Variants in IGFBP7 observed in about 807,000 individuals in gnomAD.
IGFBP7 encodes the protein insulin-like growth factor-binding protein 7.
IGFBP7 carries 31 observed loss-of-function variants against 29.4 expected under a neutral mutation model. The observed-to-expected ratio is 1.05, with a 90% CI of 0.79 to 1.42. The LOEUF is 1.42. IGFBP7 is among the 40% of genes most tolerant of loss of function. The probability of loss-of-function intolerance (pLI) is 0.00; values close to 1 mark genes in which losing one functional copy is unlikely to be tolerated. For missense variants in IGFBP7, 393 were observed against 395.5 expected, an observed-to-expected ratio of 0.99 and a Z score of 0.05; for synonymous variants, 172 against 174.9, an observed-to-expected ratio of 0.98 and a Z score of 0.13.
In IGFBP7 at chr4:57,030,974, A is replaced by G. The variant is rs1723901462; in HGVS notation, c.*343T>C. On this transcript the variant is annotated 3_prime_UTR_variant, in exon 5 of 5. Transcript: ENST00000295666. The stretch of plus-strand genomic sequence containing the variant: ...TATGTCTATGAGTATTGCACCGCGA[A>G]TGATGAGTGTTTAGCTATTTTACAG... The G allele has an allele frequency of 6.3e-7, 1 of 1,586,314 alleles. No homozygotes were observed. Among genetic ancestry groups the G allele is most frequent in the African/African-American group, 1.3e-5 (1 of 74,550 alleles).
At chr4:57,035,653 G>A (rs1724067947) in intron 2 of IGFBP7, among the ~76,000 whole-genome samples, 1 of 152,126 alleles carries the variant, frequency 6.6e-6, no homozygotes, top group Non-Finnish European at 1.5e-5. Context: ...TAGAGACGGG[G>A]TTTTGCCATA....
chr4:57,064,776 C>G (rs2109769169), intron 1 of IGFBP7, among the ~76,000 whole-genome samples: 1 of 152,318 alleles, frequency 6.6e-6, no homozygotes, highest in East Asian at 1.9e-4. Context: ...AAATATTTGC[C>G]TCAGCTCATT....
At chr4:57,048,566 A>G (rs1444665742) in intron 1 of IGFBP7, among the ~76,000 whole-genome samples, 1 of 152,232 alleles carries the variant, frequency 6.6e-6, no homozygotes, top group Non-Finnish European at 1.5e-5. Context: ...CACAAATATC[A>G]TGAGGAAAAG....
At chr4:57,092,099 T>G (rs1318139796) in intron 1 of IGFBP7, among the ~76,000 whole-genome samples, 1 of 152,180 alleles carries the variant, frequency 6.6e-6, no homozygotes, top group Non-Finnish European at 1.5e-5. Context: ...AAAAAAAATC[T>G]TAAAGACAAA....
At chr4:57,085,020 A>T (rs968767526) in intron 1 of IGFBP7, among the ~76,000 whole-genome samples, 2 of 151,898 alleles carry the variant, frequency 1.3e-5, no homozygotes, top group East Asian at 3.9e-4. Flanking sequence ...AACTCCTGGG[A>T]TCAAGCGATC....
intron 2 of IGFBP7, among the ~76,000 whole-genome samples, chr4:57,034,138 A>G (rs1006915319): frequency 1.5e-4 from 22 of 151,428 alleles, no homozygotes; most frequent in East Asian, 1.9e-4. Flanking sequence ...TGTGTATGTC[A>G]TGTCAAGATT....
In IGFBP7 at chr4:57,110,266, G is replaced by A; in HGVS notation, c.86C>T (p.Ser29Leu). The A allele has an allele frequency of 7.0e-7, 1 of 1,422,030 alleles. No homozygotes were observed. Among genetic ancestry groups the A allele is most frequent in the Non-Finnish European group, 9.2e-7 (1 of 1,088,982 alleles). The allele number at this position is 1,422,030 out of a possible 1,614,324, so 88.1% of individuals were successfully genotyped here. A position where few individuals can be genotyped will look rare whatever the true frequency, so the allele number is the denominator to read the frequency against. Residue 29 changes from serine (S) to leucine (L), a missense_variant, in exon 1 of 5, where the codon TCG (serine) becomes TTG (leucine). By Grantham distance (145) the Ser-to-Leu change is moderately radical. Transcript: ENST00000295666. ...LLLPLSSSSS[S>L]DTCGPCEPAS... Reference sequence around the variant, plus strand: ...CGGCTCGCAGGGGCCGCAGGTGTCCGAAGAGGAGGAAGAGGAGAGGGGCAG... The same window carrying A: ...CGGCTCGCAGGGGCCGCAGGTGTCCAAAGAGGAGGAAGAGGAGAGGGGCAG...
intron 1 of IGFBP7, among the ~76,000 whole-genome samples, chr4:57,042,767 C>T (rs1724262590): frequency 6.6e-6 from 1 of 152,202 alleles, no homozygotes. Context: ...TATTTGTTTC[C>T]TGTGGTCTCT....
intron 1 of IGFBP7, among the ~76,000 whole-genome samples, chr4:57,048,170 G>A (rs1446884175): frequency 2.6e-5 from 4 of 151,524 alleles, no homozygotes; most frequent in Non-Finnish European, 5.9e-5. Flanking sequence ...TCCTGCCTCA[G>A]CCTCCCAAGT....
intron 1 of IGFBP7, among the ~76,000 whole-genome samples, chr4:57,069,433 A>C (rs1025062256): frequency 6.6e-6 from 1 of 152,108 alleles, no homozygotes; most frequent in Non-Finnish European, 1.5e-5. Flanking sequence ...ACAAAAAATA[A>C]AACAAAAAAT....
chr4:57,105,710 A>G (rs1025787760), intron 1 of IGFBP7, among the ~76,000 whole-genome samples: 3 of 152,206 alleles, frequency 2.0e-5, no homozygotes, highest in African/African-American at 4.8e-5. Flanking sequence ...AGAGCTCCTC[A>G]TCTTAACTTC....
chr4:57,072,962 G>A, intron 1 of IGFBP7: 1 of 814,256 alleles, frequency 1.2e-6, no homozygotes, highest in South Asian at 1.3e-5. Context: ...CAAGTGGTCT[G>A]CCCTGTATGA....
intron 2 of IGFBP7, among the ~76,000 whole-genome samples, chr4:57,034,060 A>AAC (rs1553913035): frequency 6.6e-6 from 1 of 151,300 alleles, no homozygotes; most frequent in African/African-American, 2.4e-5. Flanking sequence ...AAAAAAAAAA[A>AAC]AAAAAAAACA....
intron 1 of IGFBP7, among the ~76,000 whole-genome samples, chr4:57,080,966 C>A (rs1394103604): frequency 6.6e-6 from 1 of 152,202 alleles, no homozygotes; most frequent in African/African-American, 2.4e-5. Context: ...TTGGCCCTGG[C>A]CAATGTTCTC....
At chr4:57,038,245 C>T (rs1296947767) in intron 2 of IGFBP7, among the ~76,000 whole-genome samples, 1 of 152,202 alleles carries the variant, frequency 6.6e-6, no homozygotes, top group Non-Finnish European at 1.5e-5. Context: ...GGGATTTTCA[C>T]AATGCAGCAG....
At chr4:57,092,758 G>A (rs1273125570) in intron 1 of IGFBP7, among the ~76,000 whole-genome samples, 1 of 150,654 alleles carries the variant, frequency 6.6e-6, no homozygotes, top group Non-Finnish European at 1.5e-5. Flanking sequence ...AAAGATCTTT[G>A]TGTCTAAAGA....
chr4:57,034,885 T>C (rs1724045716), intron 2 of IGFBP7, among the ~76,000 whole-genome samples: 1 of 152,236 alleles, frequency 6.6e-6, no homozygotes, highest in Non-Finnish European at 1.5e-5. Context: ...TCATAAATGC[T>C]GTGAAGACAA....
intron 1 of IGFBP7, among the ~76,000 whole-genome samples, chr4:57,066,052 G>A (rs1724914797): frequency 6.6e-6 from 1 of 152,018 alleles, no homozygotes; most frequent in South Asian, 2.1e-4. Flanking sequence ...TCTGGTTAAG[G>A]TCCCATCCAC....
intron 1 of IGFBP7, among the ~76,000 whole-genome samples, chr4:57,080,098 G>GGCCCTTTA (rs1725327422): frequency 6.6e-6 from 1 of 152,142 alleles, no homozygotes; most frequent in Non-Finnish European, 1.5e-5. Flanking sequence ...CTATTGACAT[G>GGCCCTTTA]GCCCTTTAGC....
Sources: allele counts gnomAD v4.1 joint callset (sites outside exome capture counted in the v4.1 genomes callset), GRCh38; gene constraint gnomAD v4.1.1; transcripts MANE v1.5; gene names NCBI Gene and HGNC (gene_info 2026-07-23, HGNC 2026-07-21).